SLC4A10: variants seen among roughly 807,000 people sequenced by gnomAD.
The protein encoded by SLC4A10 is solute carrier family 4 member 10.
A neutral mutation model predicts 137.7 loss-of-function variants in SLC4A10; 42 were observed. The ratio of observed to expected loss-of-function variants is 0.30; its 90% CI spans 0.24 to 0.39. The LOEUF is 0.39. SLC4A10 is among the 10% of genes least tolerant of loss of function. The pLI is 1.00. For synonymous variants in SLC4A10, 474 were observed against 464.1 expected (o/e 1.02, Z -0.27); for missense variants, 925 against 1,355.0 (o/e 0.68, Z 4.98).
intron 24 of SLC4A10, among the ~76,000 whole-genome samples, chr2:161,975,418 C>A (rs1484791251): frequency 6.6e-6 from 1 of 152,148 alleles, no homozygotes. Flanking sequence ...AGTAGTACTG[C>A]ATTTTAAAAA....
intron 1 of SLC4A10, among the ~76,000 whole-genome samples, chr2:161,631,979 T>G (rs1357473819): frequency 6.6e-6 from 1 of 151,792 alleles, no homozygotes; most frequent in East Asian, 1.9e-4. Context: ...AATTATGCTC[T>G]AAGGATCTAA....
rs142493175 is a variant in SLC4A10 at position 161,838,929 on chromosome 2, C to T, written c.278-860C>T. On this transcript the variant is annotated intron_variant, in intron 3 of 26. Coordinates refer to ENST00000446997, the MANE Select transcript of SLC4A10 (RefSeq NM_001178015.2). ...AGTGTCTCAGAAAGCTGAACATAAA[C>T]TTATCATATGACTAGCAATCCTACT... Among the ~76,000 whole-genome samples the T allele has an allele frequency of 1.1e-4, 17 of 152,316 alleles. No individual in the cohort carries two copies. In the East Asian group the frequency reaches 3.1e-3, roughly 28 times the overall value.
intron 1 of SLC4A10, among the ~76,000 whole-genome samples, chr2:161,658,839 C>T (rs2105675198): frequency 6.6e-6 from 1 of 152,116 alleles, no homozygotes. Context: ...GATCTGCCTG[C>T]CTCAGCCTCC....
chr2:161,644,750 A>G (rs544949434), intron 1 of SLC4A10, among the ~76,000 whole-genome samples: 22 of 152,270 alleles, frequency 1.4e-4, no homozygotes, highest in African/African-American at 3.4e-4. Flanking sequence ...GATCTTACCA[A>G]TTGTTCTAGA....
intron 1 of SLC4A10, among the ~76,000 whole-genome samples, chr2:161,751,608 A>C (rs951805787): frequency 1.3e-5 from 2 of 151,810 alleles, no homozygotes; most frequent in East Asian, 3.9e-4. Context: ...TATTGAGTAT[A>C]TTTGTGGGAG....
chr2:161,642,173 C>A (rs1348594723), intron 1 of SLC4A10, among the ~76,000 whole-genome samples: 1 of 151,854 alleles, frequency 6.6e-6, no homozygotes, highest in Non-Finnish European at 1.5e-5. Flanking sequence ...CTTTGATTCC[C>A]TAGTGTAGTG....
chr2:161,879,308 CT>C lies in SLC4A10; in HGVS notation c.1106+24del. 6.4e-7 allele frequency: 1 copy of C among 1,574,052 alleles called. No individual in the cohort carries two copies. The highest frequency in any genetic ancestry group is 8.6e-7 in the Non-Finnish European group (1 of 1,158,546). Reference sequence around the variant, plus strand: ...AACCAGGTAAAAAGTATAAAAGCGTCTTTTGTATTTTTCTTAAACCATCTTT... The same window carrying C: ...AACCAGGTAAAAAGTATAAAAGCGTCTTTGTATTTTTCTTAAACCATCTTT... On this transcript the variant is annotated intron_variant, in intron 9 of 26. Transcript: ENST00000446997.
At chr2:161,880,924 G>A (rs1406910758) in intron 9 of SLC4A10, among the ~76,000 whole-genome samples, 2 of 151,988 alleles carry the variant, frequency 1.3e-5, no homozygotes, top group Non-Finnish European at 2.9e-5. Flanking sequence ...CCGTGATGGG[G>A]TTATATACCC....
intron 2 of SLC4A10, among the ~76,000 whole-genome samples, chr2:161,795,578 G>T (rs527428072): frequency 3.3e-5 from 5 of 151,918 alleles, no homozygotes; most frequent in Non-Finnish European, 7.4e-5. Context: ...TGTGTGTGTG[G>T]TAAGAACACA....
At chr2:161,777,603 C>T (rs1440006407) in intron 2 of SLC4A10, among the ~76,000 whole-genome samples, 1 of 151,972 alleles carries the variant, frequency 6.6e-6, no homozygotes, top group Non-Finnish European at 1.5e-5. Flanking sequence ...GAGCAAGTCA[C>T]ATCTTACATG....
At chr2:161,938,723 A>G (rs1430411912) in intron 15 of SLC4A10, among the ~76,000 whole-genome samples, 5 of 151,044 alleles carry the variant, frequency 3.3e-5, no homozygotes, top group Non-Finnish European at 4.4e-5. Context: ...AAAAAAAAAG[A>G]GAGACAAAGC....
At chr2:161,640,025 G>T (rs182550463) in intron 1 of SLC4A10, among the ~76,000 whole-genome samples, 1 of 152,188 alleles carries the variant, frequency 6.6e-6, no homozygotes, top group South Asian at 2.1e-4. Flanking sequence ...ATTTATAATA[G>T]CTCATGGTGA....
At chr2:161,926,413 A>T in intron 15 of SLC4A10, among the ~76,000 whole-genome samples, 15 of 93,064 alleles carry the variant, frequency 1.6e-4, no homozygotes, top group Admixed American at 4.9e-4. Context: ...TTTTTTTGGT[A>T]GATCTTCCTC....
intron 15 of SLC4A10, among the ~76,000 whole-genome samples, chr2:161,925,815 T>C (rs981957638): frequency 6.6e-6 from 1 of 152,192 alleles, no homozygotes; most frequent in African/African-American, 2.4e-5. Flanking sequence ...ATGTACCCAG[T>C]AGTCATTCAG....
chr2:161,954,505 G>A (rs918411277), intron 19 of SLC4A10, among the ~76,000 whole-genome samples: 1 of 152,228 alleles, frequency 6.6e-6, no homozygotes, highest in South Asian at 2.1e-4. Context: ...GTTAGAAGGT[G>A]TAGAGTTCTC....
chr2:161,705,167 T>G (rs1045842320), intron 1 of SLC4A10, among the ~76,000 whole-genome samples: 1 of 151,550 alleles, frequency 6.6e-6, no homozygotes, highest in Non-Finnish European at 1.5e-5. Context: ...AAATGAATGC[T>G]ATTTGAATTA....
At chr2:161,663,369 G>T (rs890194006) in intron 1 of SLC4A10, among the ~76,000 whole-genome samples, 1 of 151,892 alleles carries the variant, frequency 6.6e-6, no homozygotes, top group Non-Finnish European at 1.5e-5. Context: ...ATGATTTGGG[G>T]CTATATTTCC....
intron 3 of SLC4A10, among the ~76,000 whole-genome samples, chr2:161,822,925 A>C (rs1442019161): frequency 6.6e-6 from 1 of 152,198 alleles, no homozygotes; most frequent in Non-Finnish European, 1.5e-5. Flanking sequence ...CAGTGAGCCA[A>C]GACAGTGCCA....
At chr2:161,728,757 A>G (rs1329225103) in intron 1 of SLC4A10, among the ~76,000 whole-genome samples, 2 of 152,206 alleles carry the variant, frequency 1.3e-5, no homozygotes, top group Non-Finnish European at 2.9e-5. Context: ...GCAATACAAG[A>G]AAATGTGCAA....
Sources: allele counts gnomAD v4.1 joint callset (sites outside exome capture counted in the v4.1 genomes callset), GRCh38; gene constraint gnomAD v4.1.1; transcripts MANE v1.5; gene names NCBI Gene and HGNC (gene_info 2026-07-23, HGNC 2026-07-21).